The following AATF variants were observed in gnomAD, a reference collection of about 807,000 sequenced individuals.
AATF encodes protein AATF.
Under a neutral mutation model 63.7 loss-of-function variants are expected in AATF, and 48 were observed. That is an observed-to-expected ratio of 0.75 (90% confidence interval 0.60 to 0.96). The LOEUF (loss-of-function observed/expected upper bound fraction) is 0.96. Among genes scored for constraint, AATF ranks in the 40% least tolerant of loss-of-function variants. AATF has a pLI of 0.00. For synonymous variants in AATF, 258 were observed against 247.7 expected, an observed-to-expected ratio of 1.04 and a Z score of -0.39; for missense variants, 639 against 685.7, an observed-to-expected ratio of 0.93 and a Z score of 0.76.
intron 8 of AATF, among the ~76,000 whole-genome samples, chr17:36,999,674 T>G (rs1342813150): frequency 6.6e-6 from 1 of 152,054 alleles, no homozygotes; most frequent in Non-Finnish European, 1.5e-5. Flanking sequence ...AAACTGGTTA[T>G]GGTGAAAGCA....
chr17:37,011,607 G>T (rs979827004), intron 8 of AATF, among the ~76,000 whole-genome samples: 1 of 152,152 alleles, frequency 6.6e-6, no homozygotes, highest in Non-Finnish European at 1.5e-5. Flanking sequence ...ATAAAGATTG[G>T]AACTGAGTCG....
chr17:37,019,034 C>T lies in AATF; in HGVS notation c.1428C>T (p.Thr476=), dbSNP rs1180373369. ...QLLRELIERK[T]SSLDPNDQVA... ...TTCGAGAACTCATAGAACGGAAGAC[C>T]AGCTCCTTGGATCCCAACGATCAGG... Residue 476 remains threonine, a synonymous_variant, in exon 9 of 12, where the codon ACC becomes ACT. Coordinates refer to ENST00000619387, the MANE Select transcript of AATF (RefSeq NM_012138.4). The T allele has an allele frequency of 6.2e-7, 1 of 1,613,996 alleles. No homozygotes were observed.
chr17:37,024,329 C>G (rs1410369693), intron 10 of AATF, among the ~76,000 whole-genome samples: 2 of 152,200 alleles, frequency 1.3e-5, no homozygotes, highest in African/African-American at 4.8e-5. Context: ...AGAATGTGTA[C>G]AAAAAGGTTT....
rs71368439 is a variant in AATF, at chr17:37,046,730, A to AC, written c.1620-9871_1620-9870insC. Among the ~76,000 whole-genome samples the AC allele has an allele frequency of 6.4e-5, 9 of 139,970 alleles. 1 individual carries two copies. Among genetic ancestry groups the AC allele is most frequent in the African/African-American group, 1.3e-4 (5 of 37,060 alleles). The allele number at this position is 139,970 out of a possible 152,430, so 91.8% of individuals were successfully genotyped here. On this transcript the variant is annotated intron_variant, in intron 11 of 11. Transcript: ENST00000619387. ...TGAGCGATGCATCCTGTGCTCCCCC[A>AC]ACACACACACACACACACACACACA...
chr17:36,987,833 C>T (rs2071180861), intron 5 of AATF, among the ~76,000 whole-genome samples: 1 of 152,146 alleles, frequency 6.6e-6, no homozygotes, highest in African/African-American at 2.4e-5. Flanking sequence ...ACACATTTCC[C>T]TTATTGATTT....
At chr17:36,989,042 A>G (rs1214339619) in intron 6 of AATF, among the ~76,000 whole-genome samples, 1 of 152,196 alleles carries the variant, frequency 6.6e-6, no homozygotes, top group Non-Finnish European at 1.5e-5. Context: ...CTCCGTGTGT[A>G]GAAAAATGAT....
At chr17:37,026,617 T>A (rs2071512961) in intron 10 of AATF, among the ~76,000 whole-genome samples, 1 of 152,264 alleles carries the variant, frequency 6.6e-6, no homozygotes, top group Non-Finnish European at 1.5e-5. Flanking sequence ...AGTATAATCA[T>A]AGAAGTGACA....
intron 4 of AATF, among the ~76,000 whole-genome samples, chr17:36,978,562 G>A (rs779246262): frequency 2.6e-5 from 4 of 151,898 alleles, no homozygotes; most frequent in East Asian, 3.9e-4. Context: ...CTTTTAGTCC[G>A]CAGAGCTCAC....
At chr17:36,985,089 A>G (rs1174960277) in intron 4 of AATF, among the ~76,000 whole-genome samples, 3 of 151,772 alleles carry the variant, frequency 2.0e-5, no homozygotes, top group Non-Finnish European at 4.4e-5. Context: ...TTTAGTACAG[A>G]CGGGGTTTCG....
intron 8 of AATF, among the ~76,000 whole-genome samples, chr17:36,992,141 A>G (rs1305793733): frequency 6.6e-6 from 1 of 152,236 alleles, no homozygotes; most frequent in East Asian, 1.9e-4. Flanking sequence ...AATTACATGT[A>G]AAGTCAATAT....
At chr17:37,041,900 T>C (rs938611842) in intron 11 of AATF, among the ~76,000 whole-genome samples, 2 of 152,254 alleles carry the variant, frequency 1.3e-5, no homozygotes, top group Non-Finnish European at 2.9e-5. Context: ...TGAGGACATA[T>C]AATATGGTAG....
chr17:36,982,449 G>A (rs374699334), intron 4 of AATF, among the ~76,000 whole-genome samples: 1 of 152,048 alleles, frequency 6.6e-6, no homozygotes, highest in Non-Finnish European at 1.5e-5. Flanking sequence ...CCCGTCCCGG[G>A]TTCAGGAAAT....
chr17:37,039,409 G>C (rs1181299365), intron 11 of AATF, among the ~76,000 whole-genome samples: 4 of 152,178 alleles, frequency 2.6e-5, no homozygotes, highest in East Asian at 1.9e-4. Context: ...CCTTTTACCA[G>C]CGTCATTAAA....
chr17:36,954,365 A>G (rs907000793), intron 4 of AATF, among the ~76,000 whole-genome samples: 7 of 152,104 alleles, frequency 4.6e-5, no homozygotes. Flanking sequence ...TACAGATGTG[A>G]CCTACTGAGC....
chr17:36,972,592 A>C (rs1430749389), intron 4 of AATF, among the ~76,000 whole-genome samples: 1 of 152,010 alleles, frequency 6.6e-6, no homozygotes, highest in Non-Finnish European at 1.5e-5. Context: ...TGTTACACCT[A>C]TATACATGTA....
At chr17:37,021,049 T>C in intron 10 of AATF, 35 bp downstream of exon 10, 15 of 1,458,268 alleles carry the variant, frequency 1.0e-5, no homozygotes, top group East Asian at 2.4e-5. Context: ...TCAACATATA[T>C]TGTATATGTA....
intron 10 of AATF, among the ~76,000 whole-genome samples, chr17:37,026,598 T>A (rs975513215): frequency 6.6e-5 from 10 of 152,242 alleles, no homozygotes; most frequent in African/African-American, 1.7e-4. Context: ...TTTCCTCATC[T>A]GTGAAAGGAG....
intron 11 of AATF, among the ~76,000 whole-genome samples, chr17:37,053,488 C>G (rs1359881896): frequency 6.6e-6 from 1 of 152,058 alleles, no homozygotes; most frequent in Non-Finnish European, 1.5e-5. Flanking sequence ...AAAAGACATT[C>G]AAGCATGAAA....
At chr17:36,999,634 A>T (rs763267208) in intron 8 of AATF, among the ~76,000 whole-genome samples, 4 of 152,222 alleles carry the variant, frequency 2.6e-5, no homozygotes, top group Non-Finnish European at 5.9e-5. Context: ...ACAGGGAACT[A>T]CATTGTGACA....
Sources: allele counts gnomAD v4.1 joint callset (sites outside exome capture counted in the v4.1 genomes callset), GRCh38; gene constraint gnomAD v4.1.1; transcripts MANE v1.5; gene names NCBI Gene and HGNC (gene_info 2026-07-23, HGNC 2026-07-21).